The following SLC9D1 variants were observed in gnomAD, a reference collection of about 807,000 sequenced individuals.
The protein encoded by SLC9D1 is putative LAG1-interacting protein.
chr13:113,518,320 G>A, the SLC9D1 span, among the ~76,000 whole-genome samples: 21 of 151,224 alleles, frequency 1.4e-4, no homozygotes, highest in Admixed American at 1.2e-3. Flanking sequence ...GTGTGGACTC[G>A]GGGTCCTGCA....
At chr13:113,547,906 G>A in the SLC9D1 span, among the ~76,000 whole-genome samples, 18 of 100,738 alleles carry the variant, frequency 1.8e-4, no homozygotes, top group Admixed American at 8.3e-4. Flanking sequence ...TTAGCTACTC[G>A]GCCCAAAGAC....
At chr13:113,505,870 C>G in the SLC9D1 span, 1 of 152,246 alleles carries the variant, frequency 6.6e-6, no homozygotes, top group African/African-American at 2.4e-5. Context: ...CTTTATCTTT[C>G]TGTTTTTCCA....
the SLC9D1 span, among the ~76,000 whole-genome samples, chr13:113,543,151 C>CCCTA: frequency 3.8e-5 from 3 of 77,958 alleles, no homozygotes; most frequent in African/African-American, 1.7e-4. Flanking sequence ...TCCCCGTGCC[C>CCCTA]CCCGCCCTAC....
At chr13:113,512,819 G>A in the SLC9D1 span, among the ~76,000 whole-genome samples, 1 of 151,272 alleles carries the variant, frequency 6.6e-6, no homozygotes, top group Non-Finnish European at 1.5e-5. Context: ...GAGAGGGTCA[G>A]TATATGTGGA....
the SLC9D1 span, among the ~76,000 whole-genome samples, chr13:113,536,320 T>C: frequency 3.3e-5 from 5 of 151,004 alleles, no homozygotes; most frequent in African/African-American, 1.2e-4. Flanking sequence ...AGAGGCAGAG[T>C]TGATAGAGCA....
the SLC9D1 span, chr13:113,534,539 A>G: frequency 7.4e-6 from 3 of 403,596 alleles, no homozygotes; most frequent in Non-Finnish European, 8.8e-6. Flanking sequence ...CTGTAGTCCT[A>G]GCATGTGGGG....
chr13:113,511,010 A>G, the SLC9D1 span, among the ~76,000 whole-genome samples: 1 of 126,982 alleles, frequency 7.9e-6, no homozygotes, highest in South Asian at 2.3e-4. Flanking sequence ...TCGGAAGCCT[A>G]GGCAGGACCG....
At chr13:113,495,641 G>A in the SLC9D1 span, 4 of 1,591,250 alleles carry the variant, frequency 2.5e-6, no homozygotes, top group Non-Finnish European at 8.6e-7. Context: ...CCTGGGCGGT[G>A]CAGGCTGTGG....
the SLC9D1 span, among the ~76,000 whole-genome samples, chr13:113,502,843 T>C: frequency 6.6e-6 from 1 of 152,174 alleles, no homozygotes; most frequent in African/African-American, 2.4e-5. Flanking sequence ...CCCAGGGCTT[T>C]CTCCAGATCG....
chr13:113,535,190 G>C, the SLC9D1 span: 1 of 152,256 alleles, frequency 6.6e-6, no homozygotes, highest in African/African-American at 2.4e-5. This position sits in a 1 kb window ranked among gnomAD's most constrained non-coding sequence, Gnocchi z 4.1. Context: ...ACAAAATTAA[G>C]TTTGGAAAAA....
At chr13:113,498,236 G>A in the SLC9D1 span, 1 of 824,910 alleles carries the variant, frequency 1.2e-6, no homozygotes, top group South Asian at 2.3e-5. Context: ...TTAAGTTATT[G>A]ACATATGAAC....
chr13:113,522,439 C>T, the SLC9D1 span, among the ~76,000 whole-genome samples: 1 of 152,216 alleles, frequency 6.6e-6, no homozygotes, highest in South Asian at 2.1e-4. Context: ...CTCCCAGCTT[C>T]ACGCCATTCT....
chr13:113,524,078 A>AT, the SLC9D1 span: 5 of 455,618 alleles, frequency 1.1e-5, no homozygotes, highest in East Asian at 7.0e-5. Context: ...AGGAAAAAAA[A>AT]GTGTATTCTG....
the SLC9D1 span, chr13:113,530,658 T>C: frequency 6.6e-6 from 1 of 152,154 alleles, no homozygotes; most frequent in Non-Finnish European, 1.5e-5. Flanking sequence ...TTATTCAGAA[T>C]TAACCTTGAT....
At chr13:113,539,686 C>T in the SLC9D1 span, among the ~76,000 whole-genome samples, 3 of 152,154 alleles carry the variant, frequency 2.0e-5, no homozygotes, top group East Asian at 1.9e-4. The surrounding 1 kb of genome is among the most constrained non-coding windows in gnomAD (Gnocchi z 4.8). Flanking sequence ...CTTTATAGAG[C>T]GCAGAGAAAT....
chr13:113,538,805 C>G, the SLC9D1 span, among the ~76,000 whole-genome samples: 1 of 152,284 alleles, frequency 6.6e-6, no homozygotes. Flanking sequence ...TGCCATAAGC[C>G]TGCGTTTCGC....
the SLC9D1 span, chr13:113,534,500 A>C: frequency 2.0e-6 from 1 of 496,156 alleles, no homozygotes; most frequent in Non-Finnish European, 3.5e-6. Context: ...TTAAAAACAA[A>C]TCCGTGGGCC....
chr13:113,536,796 G>C, the SLC9D1 span, among the ~76,000 whole-genome samples: 2 of 152,342 alleles, frequency 1.3e-5, no homozygotes, highest in East Asian at 3.9e-4. Flanking sequence ...GTTTCTGGAA[G>C]GTGCTTTCAC....
the SLC9D1 span, among the ~76,000 whole-genome samples, chr13:113,540,625 A>C: frequency 6.6e-6 from 1 of 152,330 alleles, no homozygotes; most frequent in African/African-American, 2.4e-5. Context: ...CTGATAGATT[A>C]TAGATATAAG....
Sources: gnomAD v4.1 joint callset for allele counts (sites outside exome capture counted in the v4.1 genomes callset) on GRCh38, gnomAD v4.1.1 for gene constraint, Gnocchi (gnomAD v3.1) non-coding constraint, MANE v1.5 for transcripts, NCBI Gene and HGNC (gene_info 2026-07-23, HGNC 2026-07-21) for gene names.